The following DLG2 variants were observed in gnomAD, a reference collection of about 807,000 sequenced individuals.
DLG2 encodes the protein discs large MAGUK scaffold protein 2.
In DLG2, 45 loss-of-function variants were observed where a neutral mutation model predicts 132.5. The observed-to-expected ratio is 0.34, with a 90% CI of 0.27 to 0.44. The LOEUF (loss-of-function observed/expected upper bound fraction) is 0.44. Ranked by LOEUF, DLG2 falls within the 20% of genes least tolerant of loss-of-function variation. The probability of loss-of-function intolerance (pLI) is 1.00; values close to 1 mark genes in which losing one functional copy is unlikely to be tolerated. For missense variants in DLG2, 1,045 were observed against 1,196.9 expected (o/e 0.87, Z 1.87); for synonymous variants, 424 against 419.6 (o/e 1.01, Z -0.13).
chr11:84,740,470 C>G (rs939156926), intron 6 of DLG2, among the ~76,000 whole-genome samples: 6 of 152,072 alleles, frequency 3.9e-5, no homozygotes, highest in Non-Finnish European at 8.8e-5. Context: ...ATTAGGAGGA[C>G]GAGGTGTAGA....
intron 3 of DLG2, among the ~76,000 whole-genome samples, chr11:85,402,962 T>A (rs2088309763): frequency 6.6e-6 from 1 of 152,146 alleles, no homozygotes; most frequent in South Asian, 2.1e-4. Flanking sequence ...GAACTGGCAA[T>A]ACCATCTGAC....
rs911396799 is a variant in DLG2 at position 84,516,470 on chromosome 11, G to T, written c.519+18100C>A. On this transcript the variant is annotated intron_variant, in intron 7 of 27. Coordinates refer to ENST00000376104, the MANE Select transcript of DLG2 (RefSeq NM_001142699.3). ...TATGGACAAATTGGATAACCTAGAA[G>T]GAATGGATAAATTCTTACCTACATA... is the stretch of plus-strand genomic sequence containing the variant. 4.0e-5 allele frequency among the ~76,000 whole-genome samples: 6 copies of T among 151,578 alleles called. No individual in the cohort carries two copies. In the East Asian group the frequency reaches 5.8e-4, roughly 15 times the overall value.
At chr11:83,660,201 C>T in intron 18 of DLG2, among the ~76,000 whole-genome samples, 1 of 152,000 alleles carries the variant, frequency 6.6e-6, no homozygotes. Flanking sequence ...ATAACCTAGC[C>T]CTTAGGAGCT....
At chr11:84,411,273 T>C (rs2098901383) in intron 7 of DLG2, among the ~76,000 whole-genome samples, 1 of 152,222 alleles carries the variant, frequency 6.6e-6, no homozygotes, top group Non-Finnish European at 1.5e-5. Flanking sequence ...ACATTTTCAG[T>C]GTTCCTGACA....
At chr11:84,383,341 C>T (rs979868824) in intron 7 of DLG2, among the ~76,000 whole-genome samples, 2 of 151,842 alleles carry the variant, frequency 1.3e-5, no homozygotes, top group African/African-American at 4.8e-5. Context: ...ATATTTATTT[C>T]TCTGTTCCCT....
At chr11:84,727,271 A>G (rs1565796003) in intron 6 of DLG2, among the ~76,000 whole-genome samples, 1 of 152,092 alleles carries the variant, frequency 6.6e-6, no homozygotes, top group Non-Finnish European at 1.5e-5. Context: ...TGATTTTTGT[A>G]TAAGGTGTAA....
At chr11:84,066,437 C>T (rs1441810055) in intron 10 of DLG2, among the ~76,000 whole-genome samples, 4 of 152,284 alleles carry the variant, frequency 2.6e-5, no homozygotes, top group Non-Finnish European at 1.5e-5. Context: ...CCTAACTGCA[C>T]TCAGACCTCC....
intron 6 of DLG2, among the ~76,000 whole-genome samples, chr11:84,834,745 A>T (rs4367967): frequency 0.18 from 26,592 of 150,508 alleles, 2,513 homozygotes; most frequent in Middle Eastern, 0.23. Flanking sequence ...ACACTGTATG[A>T]GATTTGGAGT....
At chr11:83,631,167 C>CTTTTTTTTTTTTTTTTTTTTTTTTT (rs57696126) in intron 19 of DLG2, 3 of 91,634 alleles carry the variant, frequency 3.3e-5, no homozygotes, top group Non-Finnish European at 6.4e-5. Context: ...TTGCTTCTTG[C>CTTTTTTTTTTTTTTTTTTTTTTTTT]TTTTTTTTTT....
intron 7 of DLG2, among the ~76,000 whole-genome samples, chr11:84,463,883 A>G (rs1392044338): frequency 6.6e-6 from 1 of 151,176 alleles, no homozygotes; most frequent in Admixed American, 6.6e-5. Context: ...TCTTTTCTTT[A>G]GTAGACTAAG....
At chr11:84,577,903 G>A (rs2099506263) in intron 6 of DLG2, among the ~76,000 whole-genome samples, 1 of 152,122 alleles carries the variant, frequency 6.6e-6, no homozygotes, top group Middle Eastern at 3.2e-3. Context: ...TGGTTTGGGG[G>A]CCAGGCCCAG....
intron 3 of DLG2, among the ~76,000 whole-genome samples, chr11:85,488,671 C>T (rs1306003182): frequency 6.6e-6 from 1 of 152,120 alleles, no homozygotes; most frequent in Non-Finnish European, 1.5e-5. Context: ...CCCAGCAAAG[C>T]CTTATGGGCC....
chr11:84,993,906 C>T (rs1390753785), intron 6 of DLG2, among the ~76,000 whole-genome samples: 1 of 151,994 alleles, frequency 6.6e-6, no homozygotes, highest in Non-Finnish European at 1.5e-5. Flanking sequence ...AGGAACAGAC[C>T]CCGCACCAGC....
chr11:83,608,928 C>T (rs1314357831), intron 19 of DLG2, among the ~76,000 whole-genome samples: 2 of 152,092 alleles, frequency 1.3e-5, no homozygotes, highest in Non-Finnish European at 2.9e-5. Flanking sequence ...ATTACACAGC[C>T]ACCATTTTGA....
chr11:84,055,123 T>C (rs1347386670), intron 11 of DLG2, among the ~76,000 whole-genome samples: 1 of 152,064 alleles, frequency 6.6e-6, no homozygotes, highest in Non-Finnish European at 1.5e-5. Flanking sequence ...TGAGATTTCC[T>C]TTTCAGACAC....
At chr11:85,491,676 G>A (rs2093563321) in intron 3 of DLG2, among the ~76,000 whole-genome samples, 1 of 151,824 alleles carries the variant, frequency 6.6e-6, no homozygotes, top group Non-Finnish European at 1.5e-5. Context: ...AAAATACTTA[G>A]AAATAAATTT....
At chr11:84,112,627 T>G (rs1021175345) in intron 9 of DLG2, among the ~76,000 whole-genome samples, 1 of 152,168 alleles carries the variant, frequency 6.6e-6, no homozygotes, top group African/African-American at 2.4e-5. Context: ...TCTCATTTGC[T>G]ACAGCCATAA....
rs555328408 is a variant in DLG2 at position 85,539,985 on chromosome 11, T to C, written c.40+58672A>G. Among the ~76,000 whole-genome samples, 5 of 152,338 alleles carry C rather than the reference T, an allele frequency of 3.3e-5. No homozygotes were observed. In the South Asian group the frequency reaches 1.0e-3, roughly 32 times the overall value. Reference sequence around the variant, plus strand: ...CAAAAACATCTGCTGTCTTATCTTCTGCTATTTCCTGCTGAGCTGAGAAGT... The same window carrying C: ...CAAAAACATCTGCTGTCTTATCTTCCGCTATTTCCTGCTGAGCTGAGAAGT... On this transcript the variant is annotated intron_variant, in intron 3 of 27. Coordinates refer to ENST00000376104, the MANE Select transcript of DLG2 (RefSeq NM_001142699.3).
intron 3 of DLG2, among the ~76,000 whole-genome samples, chr11:85,386,859 CA>C (rs570682669): frequency 0.042 from 4,079 of 96,952 alleles, 62 homozygotes; most frequent in South Asian, 0.07. Context: ...GGAAGGCAAC[CA>C]AAAAAAAAAA....
Sources: gnomAD v4.1 joint callset for allele counts (sites outside exome capture counted in the v4.1 genomes callset) on GRCh38, gnomAD v4.1.1 for gene constraint, MANE v1.5 for transcripts, NCBI Gene and HGNC (gene_info 2026-07-23, HGNC 2026-07-21) for gene names.